The following SYT16 variants were observed in gnomAD, a reference collection of about 807,000 sequenced individuals.
SYT16 encodes the protein synaptotagmin 16, also known as synaptotagmin-16.
In SYT16, 42 loss-of-function variants were observed where a neutral mutation model predicts 61.4. The observed-to-expected ratio is 0.68, with a 90% confidence interval of 0.53 to 0.89. The LOEUF is 0.89. SYT16 is among the 40% of genes least tolerant of loss of function. The pLI is 0.00. For synonymous variants in SYT16, 314 were observed against 302.3 expected (o/e 1.04, Z -0.40); for missense variants, 804 against 807.3 (o/e 1.00, Z 0.05).
intron 3 of SYT16, among the ~76,000 whole-genome samples, chr14:62,009,107 C>T (rs567795178): frequency 1.5e-4 from 23 of 152,162 alleles, no homozygotes; most frequent in African/African-American, 5.5e-4. Context: ...CTCTCTGTCA[C>T]CAAAAGAGTC....
intron 1 of SYT16, among the ~76,000 whole-genome samples, chr14:61,859,202 G>A (rs1301133536): frequency 6.6e-6 from 1 of 152,144 alleles, no homozygotes. Context: ...GTAAAGTCGA[G>A]CTGCAGACGT....
chr14:62,075,413 C>A, intron 5 of SYT16, 22 bp downstream of exon 5: 1 of 1,579,844 alleles, frequency 6.3e-7, no homozygotes, highest in South Asian at 1.1e-5. Context: ...GTTTTTCATT[C>A]TTTCATTGGT....
intron 1 of SYT16, among the ~76,000 whole-genome samples, chr14:61,828,804 C>T (rs2045851496): frequency 6.6e-6 from 1 of 152,214 alleles, no homozygotes; most frequent in South Asian, 2.1e-4. Flanking sequence ...GGTGAAGACC[C>T]TGAGTACTCT....
intron 1 of SYT16, among the ~76,000 whole-genome samples, chr14:61,896,536 G>A (rs2048332814): frequency 6.6e-6 from 1 of 152,146 alleles, no homozygotes; most frequent in Non-Finnish European, 1.5e-5. Flanking sequence ...CAAAATCCTT[G>A]GGTATGGCCA....
At chr14:61,900,241 C>G (rs1329265288) in intron 1 of SYT16, among the ~76,000 whole-genome samples, 2 of 150,778 alleles carry the variant, frequency 1.3e-5, no homozygotes, top group Non-Finnish European at 2.9e-5. Flanking sequence ...TCACTGCAAC[C>G]TCTGCCTCCC....
chr14:61,869,490 A>G (rs2047262608), intron 1 of SYT16, among the ~76,000 whole-genome samples: 1 of 152,102 alleles, frequency 6.6e-6, no homozygotes, highest in African/African-American at 2.4e-5. Context: ...CTTTCAAATA[A>G]TATTACAGTG....
chr14:62,054,360 G>GTTGTTTTTTTTTTTTT lies in SYT16; in HGVS notation c.524-15241_524-15240insGTTTTTTTTTTTTTTT, dbSNP rs1411904235. On this transcript the variant is annotated intron_variant, in intron 3 of 7. Coordinates refer to ENST00000683842, the MANE Select transcript of SYT16 (RefSeq NM_001367656.1). ...TAAAAGCTGTTACTTAGTGAAGTGA[G>GTTGTTTTTTTTTTTTT]TTTTTTTTTTTTTTTTTGGAGATAG... is the stretch of plus-strand genomic sequence containing the variant. Among the ~76,000 whole-genome samples the GTTGTTTTTTTTTTTTT allele has an allele frequency of 5.9e-3, 697 of 118,048 alleles. 13 individuals are homozygous for GTTGTTTTTTTTTTTTT. Among genetic ancestry groups the GTTGTTTTTTTTTTTTT allele is most frequent in the Admixed American group, 0.014 (163 of 11,292 alleles). 77.4% of individuals were successfully genotyped at this position (118,048 alleles called of 152,430 possible).
chr14:61,948,397 T>G lies in SYT16; in HGVS notation c.-324-21735T>G, dbSNP rs199513030. Among the ~76,000 whole-genome samples the G allele has an allele frequency of 7.9e-5, 12 of 151,330 alleles. No individual in the cohort carries two copies. The East Asian group carries it at 2.3e-3, about 29-fold the overall frequency. ...AAATTAAGGAGGTGAAAACTTGGGCTAGGCTTTTAAAAAACTAAAAAAAAA... is the reference window on the plus strand; with the variant it reads ...AAATTAAGGAGGTGAAAACTTGGGCGAGGCTTTTAAAAAACTAAAAAAAAA... On this transcript the variant is annotated intron_variant, in intron 1 of 7. Transcript: ENST00000683842.
chr14:61,995,687 A>G (rs928176051), intron 2 of SYT16, 189 bp from the exon 3 acceptor site: 34 of 212,432 alleles, frequency 1.6e-4, no homozygotes, highest in Admixed American at 1.7e-4. Flanking sequence ...CCACATGGCT[A>G]TGGAGGTGAA....
chr14:61,897,754 A>G (rs2048373149), intron 1 of SYT16, among the ~76,000 whole-genome samples: 1 of 152,076 alleles, frequency 6.6e-6, no homozygotes, highest in Admixed American at 6.6e-5. Context: ...GCCATCTGGG[A>G]GATAAAAGAA....
intron 1 of SYT16, among the ~76,000 whole-genome samples, chr14:61,813,609 G>A (rs1285282872): frequency 6.6e-6 from 1 of 152,130 alleles, no homozygotes; most frequent in Non-Finnish European, 1.5e-5. Flanking sequence ...TTCATTAGAT[G>A]AGTGAATGGG....
At chr14:62,060,621 G>T (rs1941968696) in intron 3 of SYT16, among the ~76,000 whole-genome samples, 1 of 151,714 alleles carries the variant, frequency 6.6e-6, no homozygotes, top group Middle Eastern at 3.2e-3. Context: ...TTGGTGAATT[G>T]CATCAACTTT....
chr14:61,965,208 A>G (rs2140511741), intron 1 of SYT16, among the ~76,000 whole-genome samples: 1 of 152,208 alleles, frequency 6.6e-6, no homozygotes, highest in Admixed American at 6.5e-5. Context: ...TTTTTGTGCA[A>G]CCCTGATTAG....
intron 1 of SYT16, among the ~76,000 whole-genome samples, chr14:61,933,501 G>A (rs2049857246): frequency 6.6e-6 from 1 of 152,236 alleles, no homozygotes; most frequent in Admixed American, 6.5e-5. Flanking sequence ...GTGAAGAGCT[G>A]TTCTAATCAA....
chr14:61,975,094 C>T (rs1279462765), intron 2 of SYT16, among the ~76,000 whole-genome samples: 1 of 152,166 alleles, frequency 6.6e-6, no homozygotes, highest in Non-Finnish European at 1.5e-5. Flanking sequence ...AGTACACGTG[C>T]CCCTGCACTT....
chr14:61,990,733 C>T (rs1408694089), intron 2 of SYT16, among the ~76,000 whole-genome samples: 3 of 152,102 alleles, frequency 2.0e-5, no homozygotes, highest in East Asian at 3.9e-4. Flanking sequence ...GCAAGCAACC[C>T]CATCAGATAG....
chr14:61,899,380 C>T (rs1594863262), intron 1 of SYT16, among the ~76,000 whole-genome samples: 1 of 152,144 alleles, frequency 6.6e-6, no homozygotes, highest in East Asian at 1.9e-4. Context: ...GACAATAAAA[C>T]CTTTTTGGGT....
At chr14:62,066,447 G>A (rs74352535) in intron 3 of SYT16, among the ~76,000 whole-genome samples, 1,555 of 152,310 alleles carry the variant, frequency 0.01, 47 homozygotes, top group Admixed American at 0.068. Context: ...ACAGTGCCTG[G>A]CACATAATGA....
At chr14:62,048,960 G>T (rs1217312260) in intron 3 of SYT16, among the ~76,000 whole-genome samples, 2 of 152,214 alleles carry the variant, frequency 1.3e-5, no homozygotes, top group Non-Finnish European at 2.9e-5. Context: ...CTGTTGATCT[G>T]GGGTGGAGGG....
Sources: gnomAD v4.1 joint callset for allele counts (sites outside exome capture counted in the v4.1 genomes callset) on GRCh38, gnomAD v4.1.1 for gene constraint, MANE v1.5 for transcripts, NCBI Gene and HGNC (gene_info 2026-07-23, HGNC 2026-07-21) for gene names.